The following TTLL12 variants were observed in gnomAD, a reference collection of about 807,000 sequenced individuals.
TTLL12 encodes the protein tubulin--tyrosine ligase-like protein 12.
In TTLL12, 77 loss-of-function variants were observed where a neutral mutation model predicts 79.6. The observed-to-expected ratio is 0.97, with a 90% CI of 0.81 to 1.17. The LOEUF is 1.17. Ranked by LOEUF, TTLL12 falls within the 50% of genes most tolerant of loss-of-function variation. The pLI is 0.00. For missense variants in TTLL12, 969 were observed against 895.9 expected (o/e 1.08, Z -1.04); for synonymous variants, 437 against 376.1 (o/e 1.16, Z -1.87).
chr22:43,173,046 C>T (rs1931806023), intron 9 of TTLL12, among the ~76,000 whole-genome samples: 4 of 152,170 alleles, frequency 2.6e-5, no homozygotes, highest in Admixed American at 2.0e-4. Context: ...TAAATTCTCA[C>T]CCATAATTCC....
rs543895404 is a variant in TTLL12 at position 43,167,692 on chromosome 22, C to T, written c.*316G>A. Reference sequence around the variant, plus strand: ...AACACAGCAGCCAGGAACAAATTCTCCATGCCAGGAACAAAGCCCTTGGCT... The same window carrying T: ...AACACAGCAGCCAGGAACAAATTCTTCATGCCAGGAACAAAGCCCTTGGCT... On this transcript the variant is annotated 3_prime_UTR_variant, in exon 14 of 14. Coordinates refer to ENST00000216129, the MANE Select transcript of TTLL12 (RefSeq NM_015140.4). 24 of 245,444 alleles carry T rather than the reference C, an allele frequency of 9.8e-5. No individual in the cohort carries two copies. The highest frequency in any genetic ancestry group is 5.1e-4 in the African/African-American group (23 of 44,822). The allele number at this position is 245,444 out of a possible 1,614,324, so 15.2% of individuals were successfully genotyped here.
In TTLL12 at chr22:43,166,967, T is replaced by C; in HGVS notation, c.*1041A>G. 1 of 314,452 alleles carries C rather than the reference T, an allele frequency of 3.2e-6. No homozygotes were observed. The highest frequency in any genetic ancestry group is 6.2e-6 in the Non-Finnish European group (1 of 160,586). The allele number at this position is 314,452 out of a possible 1,614,324, so 19.5% of individuals were successfully genotyped here. On this transcript the variant is annotated 3_prime_UTR_variant, in exon 14 of 14. Coordinates refer to ENST00000216129, the MANE Select transcript of TTLL12 (RefSeq NM_015140.4). ...TTAGGTCCACCCACTGCCCGTGAGC[T>C]GGGCCCAGGCACACTGCAGCCACAC...
In TTLL12 at chr22:43,187,065, T is replaced by C. The variant is rs1932205158; in HGVS notation, c.5A>G (p.Glu2Gly). The C allele has an allele frequency of 8.5e-7, 1 of 1,170,590 alleles. No homozygotes were observed. Among genetic ancestry groups the C allele is most frequent in the Non-Finnish European group, 1.1e-6 (1 of 951,800 alleles). The allele number at this position is 1,170,590 out of a possible 1,614,324, so 72.5% of individuals were successfully genotyped here. The change falls in exon 1 of 14, where the codon GAG becomes GGG. Residue 2 changes from glutamate to glycine, a missense_variant. Physicochemically the swap from Glu to Gly is moderately conservative, Grantham distance 98 (BLOSUM62 -2). Transcript: ENST00000216129. ...CCGGCGCTCGGGACCCCGCTCGGCC[T>C]CCATGGCGCCAGCACCCGCGCCGAC... MEAERGPERRPA... is the reference protein window; with the variant it reads MGAERGPERRPA...
At chr22:43,175,303 A>C (rs1931876147) in intron 6 of TTLL12, 1 of 152,236 alleles carries the variant, frequency 6.6e-6, no homozygotes. Context: ...TCCCGCCTGG[A>C]CCTGCCGGCC....
In TTLL12 at chr22:43,180,014, A is replaced by G; in HGVS notation, c.547-14T>C. On this transcript the variant is annotated splice_polypyrimidine_tract_variant and intron_variant, in intron 3 of 13. Coordinates refer to ENST00000216129, the MANE Select transcript of TTLL12 (RefSeq NM_015140.4). ...CTCCTCAGCTGTCTGCAGACAGAGC[A>G]CATATGGCACCTCTCGCTCACCCAT... The G allele has an allele frequency of 6.4e-7, 1 of 1,567,180 alleles. No homozygotes were observed.
At chr22:43,174,116 C>A in intron 8 of TTLL12, 93 bp downstream of exon 8, 2 of 1,476,614 alleles carry the variant, frequency 1.4e-6, no homozygotes, top group East Asian at 4.6e-5. Flanking sequence ...ACCACGGTTT[C>A]CACAGTGGGT....
chr22:43,171,600 T>C (rs1278356944), intron 11 of TTLL12: 1 of 522,556 alleles, frequency 1.9e-6, no homozygotes, highest in Non-Finnish European at 3.5e-6. Context: ...ACACAGCCAG[T>C]GGCCCTCTGT....
chr22:43,172,701 C>CT (rs368382622), intron 9 of TTLL12, 147 bp from the exon 10 acceptor site: 42,313 of 626,270 alleles, frequency 0.068, 101 homozygotes, highest in Middle Eastern at 0.089. Flanking sequence ...GCTGCAAAGT[C>CT]TTTTTTTTTT....
chr22:43,181,395 A>G (rs969580401), intron 2 of TTLL12, among the ~76,000 whole-genome samples: 1 of 152,014 alleles, frequency 6.6e-6, no homozygotes, highest in African/African-American at 2.4e-5. Context: ...CTGCTCAACA[A>G]AAGCAAAGGC....
At chr22:43,169,282 C>T (rs2147065636) in intron 12 of TTLL12, among the ~76,000 whole-genome samples, 1 of 152,320 alleles carries the variant, frequency 6.6e-6, no homozygotes. Flanking sequence ...CCCACATGCC[C>T]CTCCAGCTCC....
chr22:43,173,913 A>G, intron 8 of TTLL12, 87 bp from the exon 9 acceptor site: 2 of 1,239,182 alleles, frequency 1.6e-6, no homozygotes, highest in Non-Finnish European at 2.2e-6. Context: ...AGAAGAGGGC[A>G]GCCCACTTCT....
chr22:43,167,841 G>T lies in TTLL12; in HGVS notation c.*167C>A. ...CCCACAGGTGAGAGGAGGATGCTGT[G>T]CTCCCGGAGTGTGGCGCCGGGAGGA... On this transcript the variant is annotated 3_prime_UTR_variant, in exon 14 of 14. Coordinates refer to ENST00000216129, the MANE Select transcript of TTLL12 (RefSeq NM_015140.4). 1 of 773,050 alleles carries T rather than the reference G, an allele frequency of 1.3e-6. No individual in the cohort carries two copies. The allele number at this position is 773,050 out of a possible 1,614,324, so 47.9% of individuals were successfully genotyped here.
chr22:43,174,901 T>C (rs1931864592), intron 6 of TTLL12, among the ~76,000 whole-genome samples: 1 of 152,226 alleles, frequency 6.6e-6, no homozygotes. Flanking sequence ...TGGCATAATT[T>C]GGGTGTTTAT....
rs139884471 is a variant in TTLL12 at position 43,179,980 on chromosome 22, C to A, written c.567G>T (p.Pro189=). ...LAHGTAEEKM[P]VWYIMDEFGS... is the part of the protein sequence containing the mutation. ...CGAACTCGTCCATGATATACCACAC[C>A]GGCATCTTCTCCTCAGCTGTCTGCA... Residue 189 remains proline, a synonymous_variant, in exon 4 of 14, where the codon CCG becomes CCT. Transcript: ENST00000216129. 1.9e-5 allele frequency: 30 copies of A among 1,603,376 alleles called. No homozygotes were observed. In the African/African-American group the frequency reaches 2.9e-4, roughly 16 times the overall value.
At position 43,187,103 on chromosome 22, in the gene TTLL12, A is replaced by ACCGCCGCCG. The variant is rs532056292; in HGVS notation, c.-43_-35dup. Reference sequence around the variant, plus strand: ...CACCCGCGCCGACTCCAGCGCCGCCACCGCCGCCGCCGCCCGCCGTCCGTC... The same window carrying ACCGCCGCCG: ...CACCCGCGCCGACTCCAGCGCCGCCACCGCCGCCGCCGCCGCCGCCGCCCGCCGTCCGTC... On this transcript the variant is annotated 5_prime_UTR_variant, in exon 1 of 14. Transcript: ENST00000216129. 2.0e-4 allele frequency: 206 copies of ACCGCCGCCG among 1,013,954 alleles called. No homozygotes were observed. Among genetic ancestry groups the ACCGCCGCCG allele is most frequent in the Admixed American group, 3.5e-4 (5 of 14,244 alleles). The allele number at this position is 1,013,954 out of a possible 1,614,324, so 62.8% of individuals were successfully genotyped here. A position where few individuals can be genotyped will look rare whatever the true frequency, so the allele number is the denominator to read the frequency against.
In TTLL12 at chr22:43,171,828, C is replaced by T; in HGVS notation, c.1566G>A (p.Val522=). The change falls in exon 11 of 14, where the codon GTG becomes GTA. Residue 522 remains valine (V), a synonymous_variant. Transcript: ENST00000216129. ...CTCCCTCAGGCCCTACCTGCTTCAG[C>T]ACCACATCCGGGTCATAGTTCATGA... ...FTVMNYDPDV[V]LKQVHCEEFI... 6.2e-7 allele frequency: 1 copy of T among 1,614,124 alleles called. No homozygotes were observed. Among genetic ancestry groups the T allele is most frequent in the Non-Finnish European group, 8.5e-7 (1 of 1,179,978 alleles).
intron 5 of TTLL12, among the ~76,000 whole-genome samples, chr22:43,176,659 G>A (rs1601771889): frequency 6.7e-6 from 1 of 150,060 alleles, no homozygotes; most frequent in Non-Finnish European, 1.5e-5. Context: ...GAACCCGGGA[G>A]GCGGAGGTTG....
In TTLL12 at chr22:43,181,323, G is replaced by A. The variant is rs533515250; in HGVS notation, c.348-383C>T. ...AGCGTGAAGTCCTCAACTGGACCTC[G>A]GGCCACTGCAGGGCAGGCCCATGCT... On this transcript the variant is annotated intron_variant, in intron 2 of 13. Coordinates refer to ENST00000216129, the MANE Select transcript of TTLL12 (RefSeq NM_015140.4). 3.9e-5 allele frequency among the ~76,000 whole-genome samples: 6 copies of A among 152,374 alleles called. No homozygotes were observed. The East Asian group carries it at 5.8e-4, about 15-fold the overall frequency.
chr22:43,172,549 C>T lies in TTLL12; in HGVS notation c.1347G>A (p.Val449=), dbSNP rs747816267. The T allele has an allele frequency of 1.1e-5, 18 of 1,614,086 alleles. No individual in the cohort carries two copies. The highest frequency in any genetic ancestry group is 1.5e-5 in the Non-Finnish European group (18 of 1,180,020). Residue 449 remains valine (V), a synonymous_variant, in exon 10 of 14, where the codon GTG becomes GTA. Coordinates refer to ENST00000216129, the MANE Select transcript of TTLL12 (RefSeq NM_015140.4). ...IRHRESTPKV[V]SKYIESPVLF... ...ACACGGGACTTTCGATGTACTTGGA[C>T]ACAACCTGGAGGACACAGGTGCAAG...
Sources: gnomAD v4.1 joint callset for allele counts (sites outside exome capture counted in the v4.1 genomes callset) on GRCh38, gnomAD v4.1.1 for gene constraint, MANE v1.5 for transcripts, NCBI Gene and HGNC (gene_info 2026-07-23, HGNC 2026-07-21) for gene names.